Variants in RBFOX1 observed in about 807,000 individuals in gnomAD.
The protein encoded by RBFOX1 is RNA binding fox-1 homolog 1, also known as RNA binding protein fox-1 homolog 1.
Under a neutral mutation model 57.7 loss-of-function variants are expected in RBFOX1, and 8 were observed. The ratio of observed to expected loss-of-function variants is 0.14; its 90% CI spans 0.08 to 0.25. The LOEUF (loss-of-function observed/expected upper bound fraction) is 0.25, where lower values mean the gene tolerates loss of function less well. Among genes scored for constraint, RBFOX1 ranks in the 10% least tolerant of loss-of-function variants. The pLI is 1.00. For missense variants in RBFOX1, 611 were observed against 548.5 expected, an observed-to-expected ratio of 1.11 and a Z score of -1.14; for synonymous variants, 326 against 222.4, an observed-to-expected ratio of 1.47 and a Z score of -4.15.
chr16:5,250,011 G>C (rs1426143775), intron 1 of RBFOX1, among the ~76,000 whole-genome samples: 1 of 151,102 alleles, frequency 6.6e-6, no homozygotes, highest in Non-Finnish European at 1.5e-5. Flanking sequence ...CAGTGAGGAG[G>C]AGGTTGCAGT....
chr16:6,469,487 T>G (rs2095126097), intron 2 of RBFOX1, among the ~76,000 whole-genome samples: 1 of 152,182 alleles, frequency 6.6e-6, no homozygotes. Flanking sequence ...AAGGGCCACG[T>G]GCACTATGCG....
At chr16:6,088,645 G>A (rs1410912269) in intron 1 of RBFOX1, among the ~76,000 whole-genome samples, 2 of 152,038 alleles carry the variant, frequency 1.3e-5, no homozygotes, top group Admixed American at 1.3e-4. Flanking sequence ...TTCCTTCTGA[G>A]CACTCACATT....
At chr16:7,262,313 A>ATTT (rs556478826) in intron 4 of RBFOX1, among the ~76,000 whole-genome samples, 9 of 146,314 alleles carry the variant, frequency 6.2e-5, no homozygotes, top group African/African-American at 1.5e-4. Context: ...CCATTTCTCT[A>ATTT]TTTTTTTTTT....
intron 1 of RBFOX1, among the ~76,000 whole-genome samples, chr16:6,033,907 C>G (rs982613038): frequency 6.6e-6 from 1 of 152,112 alleles, no homozygotes; most frequent in African/African-American, 2.4e-5. Flanking sequence ...GGTTTAGAAC[C>G]AAATGAAGCC....
At chr16:5,775,392 G>A (rs1292804995) in intron 3 of RBFOX1, among the ~76,000 whole-genome samples, 2 of 152,212 alleles carry the variant, frequency 1.3e-5, no homozygotes, top group Non-Finnish European at 2.9e-5. Context: ...GGAACAGAGG[G>A]GGTCACTGCG....
At chr16:6,927,848 TCACAA>T (rs1352936227) in intron 3 of RBFOX1, among the ~76,000 whole-genome samples, 4 of 152,204 alleles carry the variant, frequency 2.6e-5, no homozygotes, top group Admixed American at 6.5e-5. Flanking sequence ...AATGTGGATC[TCACAA>T]CACATCATTT....
intron 3 of RBFOX1, among the ~76,000 whole-genome samples, chr16:6,932,459 A>G (rs756715555): frequency 6.6e-6 from 1 of 152,132 alleles, no homozygotes; most frequent in Admixed American, 6.5e-5. Flanking sequence ...TGGCAGTTAC[A>G]TTTCAACCTT....
At position 5,812,450 on chromosome 16, in the gene RBFOX1, C is replaced by G. The variant is rs1054592482; in HGVS notation, c.319-54853C>G. On this transcript the variant is annotated intron_variant, in intron 3 of 19. Transcript: ENST00000641259. ...ACATACACTCACCAACATGATCAGT[C>G]TTTTTCTCTTTTTTTTTTTTTTTTC... Among the ~76,000 whole-genome samples, 8 of 131,010 alleles carry G rather than the reference C, an allele frequency of 6.1e-5. No homozygotes were observed. The East Asian group carries it at 1.8e-3, about 30-fold the overall frequency. The allele number at this position is 131,010 out of a possible 152,430, so 85.9% of individuals were successfully genotyped here.
At chr16:6,533,572 CAG>C (rs1364218266) in intron 2 of RBFOX1, among the ~76,000 whole-genome samples, 1 of 151,896 alleles carries the variant, frequency 6.6e-6, no homozygotes, top group Non-Finnish European at 1.5e-5. Flanking sequence ...TGGTAACATA[CAG>C]AGTCAAGTGA....
At chr16:5,596,336 C>G (rs73523689) in intron 2 of RBFOX1, among the ~76,000 whole-genome samples, 1,717 of 152,268 alleles carry the variant, frequency 0.011, 32 homozygotes, top group African/African-American at 0.039. Context: ...AATTTTGACT[C>G]AAACCTAATT....
At chr16:7,610,341 G>C (rs563471901) in intron 10 of RBFOX1, among the ~76,000 whole-genome samples, 1 of 151,076 alleles carries the variant, frequency 6.6e-6, no homozygotes, top group South Asian at 2.1e-4. Context: ...GGCTGGTCTT[G>C]AACTTCTGAC....
At chr16:5,596,069 C>A (rs1231882266) in intron 2 of RBFOX1, among the ~76,000 whole-genome samples, 1 of 152,126 alleles carries the variant, frequency 6.6e-6, no homozygotes, top group Non-Finnish European at 1.5e-5. Flanking sequence ...GACACCAGGC[C>A]TCTGGGACCT....
chr16:6,141,548 C>G (rs2096715982), intron 1 of RBFOX1, among the ~76,000 whole-genome samples: 1 of 152,136 alleles, frequency 6.6e-6, no homozygotes, highest in Non-Finnish European at 1.5e-5. Flanking sequence ...ACACTTCCTA[C>G]ATCATTTTTG....
Position 5,941,570 on chromosome 16 carries a change from T to C in RBFOX1, c.351+74235T>C, listed in dbSNP as rs868138705. 7.9e-5 allele frequency among the ~76,000 whole-genome samples: 12 copies of C among 152,266 alleles called. 1 individual carries two copies. The Middle Eastern group carries it at 0.01, about 129-fold the overall frequency. On this transcript the variant is annotated intron_variant, in intron 4 of 19. Transcript: ENST00000641259. ...GTCCCATGAGAGCAGAAATTGTGCTTACTTTGCACATAAGTATTTCCAGTA... is the reference window on the plus strand; with the variant it reads ...GTCCCATGAGAGCAGAAATTGTGCTCACTTTGCACATAAGTATTTCCAGTA...
chr16:7,608,574 G>C (rs1320959023), intron 10 of RBFOX1, among the ~76,000 whole-genome samples: 1 of 152,126 alleles, frequency 6.6e-6, no homozygotes, highest in African/African-American at 2.4e-5. Context: ...TACCACCTGA[G>C]AAGACACCTC....
At chr16:6,975,945 G>C (rs904493190) in intron 3 of RBFOX1, among the ~76,000 whole-genome samples, 3 of 152,010 alleles carry the variant, frequency 2.0e-5, no homozygotes, top group Non-Finnish European at 4.4e-5. Context: ...GGCCAACATG[G>C]TGAAACCCCA....
intron 4 of RBFOX1, among the ~76,000 whole-genome samples, chr16:7,129,540 A>G (rs767304982): frequency 6.6e-6 from 1 of 152,192 alleles, no homozygotes; most frequent in Non-Finnish European, 1.5e-5. Context: ...TTGGATTACA[A>G]TGGAGAGACA....
chr16:5,525,844 T>C (rs1420450640), intron 2 of RBFOX1, among the ~76,000 whole-genome samples: 1 of 152,120 alleles, frequency 6.6e-6, no homozygotes, highest in Non-Finnish European at 1.5e-5. Flanking sequence ...CAAAGCTCCC[T>C]GTTGCTGCAT....
intron 4 of RBFOX1, among the ~76,000 whole-genome samples, chr16:7,409,254 C>G (rs1197980644): frequency 2.0e-5 from 3 of 152,138 alleles, no homozygotes; most frequent in Admixed American, 6.5e-5. Flanking sequence ...TAATGTCAAC[C>G]CTGTTAGAGG....
Sources: allele counts gnomAD v4.1 joint callset (sites outside exome capture counted in the v4.1 genomes callset), GRCh38; gene constraint gnomAD v4.1.1; transcripts MANE v1.5; gene names NCBI Gene and HGNC (gene_info 2026-07-23, HGNC 2026-07-21).